Variants in SGCD observed in about 807,000 individuals in gnomAD.
The protein encoded by SGCD is delta-sarcoglycan.
Under a neutral mutation model 36.6 loss-of-function variants are expected in SGCD, and 18 were observed. That is an observed-to-expected ratio of 0.49 (90% CI 0.34 to 0.73). The LOEUF (loss-of-function observed/expected upper bound fraction) is 0.73, where lower values mean the gene tolerates loss of function less well. SGCD is among the 30% of genes least tolerant of loss of function. SGCD has a pLI of 0.01. For synonymous variants in SGCD, 133 were observed against 130.6 expected (o/e 1.02, Z -0.12); for missense variants, 387 against 346.7 (o/e 1.12, Z -0.92).
intron 1 of SGCD, among the ~76,000 whole-genome samples, chr5:155,977,194 G>A (rs2127561294): frequency 6.6e-6 from 1 of 152,258 alleles, no homozygotes; most frequent in South Asian, 2.1e-4. Flanking sequence ...CAGATCTCAT[G>A]CCCTTACCCT....
intron 7 of SGCD, among the ~76,000 whole-genome samples, chr5:156,674,735 T>C (rs113687593): frequency 0.027 from 4,104 of 152,316 alleles, 173 homozygotes; most frequent in African/African-American, 0.092. Context: ...TTAAAATTCC[T>C]TGCAAAACAC....
At chr5:155,839,738 T>C in the SGCD span, among the ~76,000 whole-genome samples, 2 of 152,020 alleles carry the variant, frequency 1.3e-5, no homozygotes, top group Non-Finnish European at 2.9e-5. Flanking sequence ...TAGAGCGGAG[T>C]TGGGAGACTG....
At chr5:155,966,042 A>G (rs1757897103) in intron 1 of SGCD, among the ~76,000 whole-genome samples, 1 of 152,106 alleles carries the variant, frequency 6.6e-6, no homozygotes. Flanking sequence ...AATCATCATT[A>G]AAAGGTTACA....
chr5:156,249,187 C>A (rs1765513770), intron 3 of SGCD, among the ~76,000 whole-genome samples: 1 of 152,052 alleles, frequency 6.6e-6, no homozygotes, highest in Admixed American at 6.6e-5. Context: ...GAGGACTGAG[C>A]CTTGAGAAGT....
At chr5:155,994,179 A>T (rs1157586105) in intron 1 of SGCD, among the ~76,000 whole-genome samples, 8 of 152,194 alleles carry the variant, frequency 5.3e-5, no homozygotes, top group Non-Finnish European at 8.8e-5. Context: ...GGAAGACTCC[A>T]GAATCCAAAA....
intron 1 of SGCD, among the ~76,000 whole-genome samples, chr5:155,889,067 T>G (rs1191074810): frequency 6.6e-6 from 1 of 152,222 alleles, no homozygotes; most frequent in Non-Finnish European, 1.5e-5. Context: ...AAATGGTGTA[T>G]TATTGTTTGC....
intron 3 of SGCD, among the ~76,000 whole-genome samples, chr5:156,282,829 A>T (rs1424758906): frequency 6.6e-6 from 1 of 152,196 alleles, no homozygotes; most frequent in Non-Finnish European, 1.5e-5. Flanking sequence ...ATCTGTCTAC[A>T]ATGTCTGTGA....
At chr5:156,289,422 C>T (rs2127677082) in intron 3 of SGCD, among the ~76,000 whole-genome samples, 2 of 151,982 alleles carry the variant, frequency 1.3e-5, no homozygotes, top group Middle Eastern at 6.8e-3. Flanking sequence ...GTATTAAGCC[C>T]CGTATGCATT....
intron 4 of SGCD, among the ~76,000 whole-genome samples, chr5:156,511,492 T>C (rs537186494): frequency 1.3e-5 from 2 of 152,344 alleles, no homozygotes; most frequent in Non-Finnish European, 2.9e-5. Context: ...GGATTTCCCA[T>C]TGGTTTCCTG....
At chr5:156,387,069 C>A (rs142316615) in intron 3 of SGCD, among the ~76,000 whole-genome samples, 184 of 152,308 alleles carry the variant, frequency 1.2e-3, no homozygotes, top group African/African-American at 4.2e-3. Context: ...CAAGCATACA[C>A]TTCCAAATCA....
At chr5:155,740,449 G>A in the SGCD span, among the ~76,000 whole-genome samples, 1 of 152,050 alleles carries the variant, frequency 6.6e-6, no homozygotes, top group African/African-American at 2.4e-5. Context: ...ATTAGTCTGG[G>A]TGGTTCTTTT....
rs898380365 is a variant in SGCD at position 156,764,052 on chromosome 5, CT to C, written c.*4663del. On this transcript the variant is annotated 3_prime_UTR_variant, in exon 9 of 9. Transcript: ENST00000337851. The stretch of plus-strand genomic sequence containing the variant: ...ACAAGACCAGTTCTCCCTCTTCCCC[CT>C]GTCCCAAGAAATCTTAGGCATGAAA... 7 of 152,180 alleles carry C rather than the reference CT, an allele frequency of 4.6e-5. No individual in the cohort carries two copies. Among genetic ancestry groups the C allele is most frequent in the Admixed American group, 2.6e-4 (4 of 15,284 alleles). The allele number at this position is 152,180 out of a possible 1,614,324, so 9.4% of individuals were successfully genotyped here. A position where few individuals can be genotyped will look rare whatever the true frequency, so the allele number is the denominator to read the frequency against.
intron 3 of SGCD, among the ~76,000 whole-genome samples, chr5:156,256,180 T>A (rs954699501): frequency 2.0e-4 from 20 of 101,226 alleles, no homozygotes; most frequent in Admixed American, 1.0e-3. Flanking sequence ...ATTCTTTTCT[T>A]GTTTCAGAAT....
Position 156,498,202 on chromosome 5 carries a change from G to A in SGCD, c.193-10399G>A, listed in dbSNP as rs116566991. ...ATGGATTCAGGGAATTCCAAAGCAC[G>A]TCATAGCATGTCTCTTGAATTGGAT... On this transcript the variant is annotated intron_variant, in intron 3 of 8. Coordinates refer to ENST00000337851, the MANE Select transcript of SGCD (RefSeq NM_000337.6). Among the ~76,000 whole-genome samples the A allele has an allele frequency of 6.8e-3, 990 of 145,952 alleles. 6 individuals are homozygous for A. The highest frequency in any genetic ancestry group is 0.033 in the South Asian group (151 of 4,616).
intron 3 of SGCD, among the ~76,000 whole-genome samples, chr5:156,263,134 T>C (rs1765910578): frequency 6.6e-6 from 1 of 152,096 alleles, no homozygotes; most frequent in South Asian, 2.1e-4. Flanking sequence ...AGTTGTAGGA[T>C]TGCTGGATCA....
At chr5:156,271,254 G>A (rs1766170086) in intron 3 of SGCD, among the ~76,000 whole-genome samples, 1 of 152,268 alleles carries the variant, frequency 6.6e-6, no homozygotes, top group East Asian at 1.9e-4. Context: ...AAACACCATG[G>A]CATATAGATC....
Position 156,618,755 on chromosome 5 carries a change from A to T in SGCD, c.502+23704A>T, listed in dbSNP as rs1762118461. 2.0e-5 allele frequency among the ~76,000 whole-genome samples: 3 copies of T among 152,070 alleles called. No individual in the cohort carries two copies. The South Asian group carries it at 6.2e-4, about 32-fold the overall frequency. ...AATTCCTGATGCAGAAGGAAAAGGC[A>T]TTTGTTGGGCCCCACACAGTTTTCC... On this transcript the variant is annotated intron_variant, in intron 6 of 8. Coordinates refer to ENST00000337851, the MANE Select transcript of SGCD (RefSeq NM_000337.6).
chr5:156,444,150 C>T (rs1753655352), intron 3 of SGCD, among the ~76,000 whole-genome samples: 1 of 141,954 alleles, frequency 7.0e-6, no homozygotes, highest in Non-Finnish European at 1.6e-5. Flanking sequence ...TTCCCTTTCT[C>T]TCTCTCCTTC....
At chr5:156,706,726 A>G (rs1297954750) in intron 7 of SGCD, among the ~76,000 whole-genome samples, 2 of 152,152 alleles carry the variant, frequency 1.3e-5, no homozygotes, top group African/African-American at 4.8e-5. Context: ...GGGAATTTTC[A>G]GGGAAATTGG....
Sources: allele counts gnomAD v4.1 joint callset (sites outside exome capture counted in the v4.1 genomes callset), GRCh38; gene constraint gnomAD v4.1.1; transcripts MANE v1.5; gene names NCBI Gene and HGNC (gene_info 2026-07-23, HGNC 2026-07-21).